Variants in MED27 observed in about 807,000 individuals in gnomAD.
MED27 encodes mediator of RNA polymerase II transcription subunit 27.
In MED27, 30 loss-of-function variants were observed where a neutral mutation model predicts 38.2. That is an observed-to-expected ratio of 0.79 (90% CI 0.59 to 1.07). The LOEUF (loss-of-function observed/expected upper bound fraction) is 1.07. MED27 is among the 50% of genes least tolerant of loss of function. MED27 has a pLI of 0.00. For synonymous variants in MED27, 122 were observed against 153.5 expected, an observed-to-expected ratio of 0.79 and a Z score of 1.52; for missense variants, 289 against 397.5, an observed-to-expected ratio of 0.73 and a Z score of 2.32.
At chr9:131,983,447 T>C (rs1358902877) in intron 3 of MED27, among the ~76,000 whole-genome samples, 1 of 152,256 alleles carries the variant, frequency 6.6e-6, no homozygotes, top group Admixed American at 6.5e-5. Flanking sequence ...GAGGGTCCTT[T>C]TATTTCAGCA....
chr9:132,070,603 C>T (rs980969520), intron 2 of MED27, among the ~76,000 whole-genome samples: 1 of 152,180 alleles, frequency 6.6e-6, no homozygotes, highest in Non-Finnish European at 1.5e-5. Context: ...CTTTTCCCAC[C>T]AGGTAAGAGG....
chr9:131,875,911 GTC>G (rs899623280), intron 6 of MED27, among the ~76,000 whole-genome samples: 3 of 152,190 alleles, frequency 2.0e-5, no homozygotes, highest in Admixed American at 1.3e-4. Flanking sequence ...GCCCGGCTGC[GTC>G]TCTGTTTTAC....
chr9:131,879,152 G>A (rs1003717962), intron 6 of MED27, among the ~76,000 whole-genome samples: 2 of 152,232 alleles, frequency 1.3e-5, no homozygotes, highest in African/African-American at 2.4e-5. Flanking sequence ...GTAAGCCAGC[G>A]GGTCAGGCAC....
intron 6 of MED27, among the ~76,000 whole-genome samples, chr9:131,864,900 C>G (rs1838711115): frequency 6.6e-6 from 1 of 152,386 alleles, no homozygotes; most frequent in East Asian, 1.9e-4. Flanking sequence ...CACTCACTCT[C>G]TGGCAATGCC....
intron 3 of MED27, among the ~76,000 whole-genome samples, chr9:131,964,668 C>CT (rs1459935211): frequency 1.3e-5 from 2 of 152,176 alleles, no homozygotes; most frequent in Non-Finnish European, 2.9e-5. Flanking sequence ...CCTAAATTCT[C>CT]TTACTTAAAC....
At chr9:132,014,570 A>G in intron 2 of MED27, 103 bp from the exon 3 acceptor site, 1 of 1,188,850 alleles carries the variant, frequency 8.4e-7, no homozygotes, top group East Asian at 2.6e-5. Context: ...TCCCCTTAGA[A>G]CATTTTAAGT....
rs1332523715 is a variant in MED27, at chr9:131,913,158, C to G, written c.574-19166G>C. On this transcript the variant is annotated intron_variant, in intron 4 of 7. Coordinates refer to ENST00000292035, the MANE Select transcript of MED27 (RefSeq NM_004269.4). This position sits in a 1 kb window ranked among gnomAD's most constrained non-coding sequence, Gnocchi z 4.5. ...ATTACATTTGATCAAAACCATTATT[C>G]TTTTAAAAAACTTCACTCATTTCAA... Among the ~76,000 whole-genome samples, 2 of 152,220 alleles carry G rather than the reference C, an allele frequency of 1.3e-5. No individual in the cohort carries two copies. The highest frequency in any genetic ancestry group is 4.8e-5 in the African/African-American group (2 of 41,472).
intron 6 of MED27, among the ~76,000 whole-genome samples, chr9:131,873,194 G>C (rs1838866603): frequency 1.3e-5 from 2 of 152,202 alleles, no homozygotes; most frequent in Non-Finnish European, 2.9e-5. Context: ...GGTCCTGTGG[G>C]CAAAGACATG....
intron 4 of MED27, among the ~76,000 whole-genome samples, chr9:131,896,263 G>A (rs1248798010): frequency 6.6e-6 from 1 of 152,210 alleles, no homozygotes; most frequent in African/African-American, 2.4e-5. Flanking sequence ...TAAAGTGAAT[G>A]TAGGTCCCAC....
At position 131,939,997 on chromosome 9, in the gene MED27, C is replaced by G. The variant is rs11243568; in HGVS notation, c.480-523G>C. ...TCTCGGCTCACTGCAACCTCTGCCTCCCGGGTTCAAGCGATTCTCCTGCTT... is the reference window on the plus strand; with the variant it reads ...TCTCGGCTCACTGCAACCTCTGCCTGCCGGGTTCAAGCGATTCTCCTGCTT... On this transcript the variant is annotated intron_variant, in intron 3 of 7. Coordinates refer to ENST00000292035, the MANE Select transcript of MED27 (RefSeq NM_004269.4). Among the ~76,000 whole-genome samples the G allele has an allele frequency of 6.5e-4, 98 of 151,380 alleles. 2 individuals carry two copies. In the East Asian group the frequency reaches 0.019, roughly 29 times the overall value.
chr9:131,870,519 AC>A (rs1838813013), intron 6 of MED27, among the ~76,000 whole-genome samples: 1 of 152,160 alleles, frequency 6.6e-6, no homozygotes, highest in Non-Finnish European at 1.5e-5. Context: ...AGGTTAAGTG[AC>A]TTGCCCAAGC....
chr9:131,863,039 G>A (rs200358715), intron 7 of MED27, 24 bp downstream of exon 7: 2 of 1,608,014 alleles, frequency 1.2e-6, no homozygotes, highest in East Asian at 2.2e-5. Flanking sequence ...TTAAACAGGA[G>A]ACCTGACTCT....
At chr9:132,024,860 G>C (rs1832785591) in intron 2 of MED27, among the ~76,000 whole-genome samples, 1 of 152,156 alleles carries the variant, frequency 6.6e-6, no homozygotes, top group South Asian at 2.1e-4. Flanking sequence ...CAGAAAGTTG[G>C]CTCAAGCTTG....
At chr9:131,970,299 T>C (rs1589241390) in intron 3 of MED27, among the ~76,000 whole-genome samples, 1 of 152,002 alleles carries the variant, frequency 6.6e-6, no homozygotes, top group East Asian at 1.9e-4. Flanking sequence ...GGAAGGAGGG[T>C]GGGCTGTCCA....
intron 4 of MED27, among the ~76,000 whole-genome samples, chr9:131,908,179 G>A (rs1285536133): frequency 2.8e-4 from 12 of 42,596 alleles, no homozygotes; most frequent in Non-Finnish European, 3.3e-4. Context: ...GGTGAGGGGC[G>A]CCTCTGCCCG....
At chr9:132,043,360 TA>T (rs1833262994) in intron 2 of MED27, among the ~76,000 whole-genome samples, 2 of 146,416 alleles carry the variant, frequency 1.4e-5, no homozygotes, top group South Asian at 4.4e-4. Context: ...CAGGAAATAA[TA>T]AACTCAAAAT....
At chr9:131,895,851 A>G (rs767658911) in intron 4 of MED27, among the ~76,000 whole-genome samples, 1 of 151,942 alleles carries the variant, frequency 6.6e-6, no homozygotes, top group Non-Finnish European at 1.5e-5. Flanking sequence ...TCTTTAGTCA[A>G]CATGGAGCCT....
intron 2 of MED27, among the ~76,000 whole-genome samples, chr9:132,056,317 T>TTG (rs1483989516): frequency 1.3e-5 from 2 of 152,214 alleles, no homozygotes; most frequent in Non-Finnish European, 2.9e-5. Context: ...GATGCAGTCA[T>TTG]GACAGGGAAA....
intron 3 of MED27, among the ~76,000 whole-genome samples, chr9:131,984,540 A>G (rs1340128030): frequency 1.3e-5 from 2 of 152,206 alleles, no homozygotes; most frequent in African/African-American, 4.8e-5. Flanking sequence ...CACCCATAAG[A>G]GAACAGCGGA....
Sources: allele counts gnomAD v4.1 joint callset (sites outside exome capture counted in the v4.1 genomes callset), GRCh38; gene constraint gnomAD v4.1.1; non-coding constraint Gnocchi (gnomAD v3.1); transcripts MANE v1.5; gene names NCBI Gene and HGNC (gene_info 2026-07-23, HGNC 2026-07-21).